ANKRD44: variants seen among roughly 807,000 people sequenced by gnomAD.
ANKRD44 encodes serine/threonine-protein phosphatase 6 regulatory ankyrin repeat subunit B.
ANKRD44 carries 35 observed loss-of-function variants against 116.0 expected under a neutral mutation model. The observed-to-expected ratio is 0.30, with a 90% CI of 0.23 to 0.40. ANKRD44 has a LOEUF of 0.40. ANKRD44 is among the 10% of genes least tolerant of loss of function. The probability of loss-of-function intolerance (pLI) is 1.00; values close to 1 mark genes in which losing one functional copy is unlikely to be tolerated. For synonymous variants in ANKRD44, 435 were observed against 461.8 expected, an observed-to-expected ratio of 0.94 and a Z score of 0.74; for missense variants, 1,014 against 1,242.6, an observed-to-expected ratio of 0.82 and a Z score of 2.77.
intron 15 of ANKRD44, among the ~76,000 whole-genome samples, chr2:197,080,775 C>T (rs2077775927): frequency 6.6e-6 from 1 of 152,106 alleles, no homozygotes; most frequent in Non-Finnish European, 1.5e-5. Context: ...CTGGAGTAGA[C>T]ACAGGCATTC....
intron 1 of ANKRD44, among the ~76,000 whole-genome samples, chr2:197,218,627 C>G (rs2081505511): frequency 6.6e-6 from 1 of 152,048 alleles, no homozygotes; most frequent in African/African-American, 2.4e-5. Flanking sequence ...CTGATGAAAA[C>G]CTGTACTTTT....
At chr2:197,126,090 T>C (rs2078968753) in intron 4 of ANKRD44, 53 bp from the exon 5 acceptor site, 8 of 1,585,674 alleles carry the variant, frequency 5.0e-6, no homozygotes, top group Non-Finnish European at 6.9e-6. Flanking sequence ...CAATCAATAC[T>C]TACTGGTGTA....
At chr2:197,097,510 C>T (rs375389397) in intron 10 of ANKRD44, among the ~76,000 whole-genome samples, 3 of 152,292 alleles carry the variant, frequency 2.0e-5, no homozygotes, top group East Asian at 1.9e-4. Context: ...TTTTAACTTA[C>T]GACATCCCAA....
At chr2:197,052,659 G>A (rs967229650) in intron 16 of ANKRD44, among the ~76,000 whole-genome samples, 15 of 152,062 alleles carry the variant, frequency 9.9e-5, no homozygotes, top group African/African-American at 3.6e-4. Flanking sequence ...AAATAATACG[G>A]GAAGTAAAGA....
intron 8 of ANKRD44, among the ~76,000 whole-genome samples, chr2:197,112,972 A>G (rs1338716485): frequency 1.1e-5 from 1 of 93,402 alleles, no homozygotes; most frequent in Non-Finnish European, 2.2e-5. Flanking sequence ...TAGAACGGTA[A>G]GTTCATCTTA....
At chr2:197,047,243 C>T (rs1461990758) in intron 16 of ANKRD44, among the ~76,000 whole-genome samples, 1 of 152,134 alleles carries the variant, frequency 6.6e-6, no homozygotes, top group Non-Finnish European at 1.5e-5. Flanking sequence ...TGGTCTCTAA[C>T]TCCTGACCTC....
intron 1 of ANKRD44, among the ~76,000 whole-genome samples, chr2:197,242,684 C>T (rs954665352): frequency 5.3e-5 from 8 of 152,142 alleles, no homozygotes; most frequent in African/African-American, 1.2e-4. Flanking sequence ...CCAGCTGAGA[C>T]GAAAGTCAAG....
chr2:197,257,319 T>C (rs1017742936), intron 1 of ANKRD44, among the ~76,000 whole-genome samples: 1 of 152,172 alleles, frequency 6.6e-6, no homozygotes, highest in African/African-American at 2.4e-5. Flanking sequence ...ATGACAGTAG[T>C]TTTTAAGAGG....
chr2:197,252,056 G>A (rs2082329393), intron 1 of ANKRD44, among the ~76,000 whole-genome samples: 1 of 151,984 alleles, frequency 6.6e-6, no homozygotes, highest in South Asian at 2.1e-4. Context: ...AATATCTTTT[G>A]TGTCTTTATC....
intron 1 of ANKRD44, among the ~76,000 whole-genome samples, chr2:197,268,860 C>CTTAGGG (rs1413017828): frequency 6.6e-6 from 1 of 152,146 alleles, no homozygotes; most frequent in East Asian, 1.9e-4. Context: ...CTGGGGAAAT[C>CTTAGGG]ATGTTTTAAA....
At chr2:197,108,572 C>T (rs1422840731) in intron 9 of ANKRD44, among the ~76,000 whole-genome samples, 1 of 152,156 alleles carries the variant, frequency 6.6e-6, no homozygotes, top group African/African-American at 2.4e-5. Context: ...GGCACGGTGG[C>T]TCACACCTGT....
chr2:197,289,935 G>A (rs1255992659), intron 1 of ANKRD44, among the ~76,000 whole-genome samples: 2 of 150,030 alleles, frequency 1.3e-5, no homozygotes, highest in African/African-American at 2.5e-5. Context: ...GCGTGATCTC[G>A]GCTCACTGCA....
chr2:197,286,804 T>C (rs1036075482), intron 1 of ANKRD44, among the ~76,000 whole-genome samples: 1 of 152,184 alleles, frequency 6.6e-6, no homozygotes. Flanking sequence ...GAAAAATCTC[T>C]AAGATCCCTT....
intron 12 of ANKRD44, among the ~76,000 whole-genome samples, chr2:197,087,041 G>T (rs1433300990): frequency 6.6e-6 from 1 of 152,052 alleles, no homozygotes; most frequent in African/African-American, 2.4e-5. Flanking sequence ...CTCCAGTGAT[G>T]GTTTCATCAT....
At chr2:197,254,411 C>A (rs1422081343) in intron 1 of ANKRD44, among the ~76,000 whole-genome samples, 1 of 152,040 alleles carries the variant, frequency 6.6e-6, no homozygotes, top group Non-Finnish European at 1.5e-5. Flanking sequence ...AAAAAAACTT[C>A]CAACTCCAGC....
chr2:196,975,386 ACAGAAT>A (rs1190449912), intron 21 of ANKRD44, among the ~76,000 whole-genome samples: 2 of 152,222 alleles, frequency 1.3e-5, no homozygotes, highest in African/African-American at 4.8e-5. Flanking sequence ...CAACTTTCAA[ACAGAAT>A]CAGAATGATA....
At chr2:197,126,182 T>C (rs575341154) in intron 4 of ANKRD44, 145 bp from the exon 5 acceptor site, 1 of 705,448 alleles carries the variant, frequency 1.4e-6, no homozygotes, top group Non-Finnish European at 2.4e-6. Context: ...CAGGTAATAT[T>C]TGGTAAAGAT....
chr2:197,071,594 T>C (rs754167725), intron 16 of ANKRD44, among the ~76,000 whole-genome samples: 72 of 152,156 alleles, frequency 4.7e-4, no homozygotes, highest in Non-Finnish European at 6.8e-4. Context: ...TTTTTTGAAT[T>C]TTGTTTTATG....
At chr2:197,194,771 A>G (rs1386719132) in intron 1 of ANKRD44, among the ~76,000 whole-genome samples, 1 of 152,210 alleles carries the variant, frequency 6.6e-6, no homozygotes, top group African/African-American at 2.4e-5. Flanking sequence ...ATTCCTTGCA[A>G]CAAAATGGCT....
Sources: gnomAD v4.1 joint callset for allele counts (sites outside exome capture counted in the v4.1 genomes callset) on GRCh38, gnomAD v4.1.1 for gene constraint, MANE v1.5 for transcripts, NCBI Gene and HGNC (gene_info 2026-07-23, HGNC 2026-07-21) for gene names.